Variants in ZDHHC11B observed in about 807,000 individuals in gnomAD.
ZDHHC11B encodes the protein zDHHC palmitoyltransferase 11B (putative), also known as probable palmitoyltransferase ZDHHC11B.
ZDHHC11B carries 17 observed loss-of-function variants against 42.3 expected under a neutral mutation model. That is an observed-to-expected ratio of 0.40 (90% CI 0.27 to 0.60). The LOEUF is 0.60. Among genes scored for constraint, ZDHHC11B ranks in the 20% least tolerant of loss-of-function variants. The probability of loss-of-function intolerance (pLI) is 0.41; values close to 1 mark genes in which losing one functional copy is unlikely to be tolerated. For missense variants in ZDHHC11B, 262 were observed against 463.2 expected (o/e 0.57, Z 3.99); for synonymous variants, 123 against 193.5 (o/e 0.64, Z 3.02).
intron 12 of ZDHHC11B, among the ~76,000 whole-genome samples, chr5:719,273 G>T (rs1194715746): frequency 6.6e-6 from 1 of 151,572 alleles, no homozygotes; most frequent in East Asian, 1.9e-4. Context: ...AACATATAAA[G>T]AAATAGAATA....
intron 1 of ZDHHC11B, among the ~76,000 whole-genome samples, chr5:780,260 G>A (rs1417525491): frequency 1.3e-5 from 2 of 150,898 alleles, no homozygotes; most frequent in Non-Finnish European, 2.9e-5. Flanking sequence ...AGAGACTCAT[G>A]ACCACATGCC....
chr5:754,204 A>G (rs590271), intron 6 of ZDHHC11B, among the ~76,000 whole-genome samples: 3,350 of 41,412 alleles, frequency 0.081, 23 homozygotes, highest in Middle Eastern at 0.13. Flanking sequence ...AGCCTCCACC[A>G]TGCTCAGGGG....
At chr5:714,131 C>A (rs868546855) in intron 13 of ZDHHC11B, among the ~76,000 whole-genome samples, 2,540 of 131,712 alleles carry the variant, frequency 0.019, 18 homozygotes, top group African/African-American at 0.069. Context: ...CACACACACA[C>A]CCTTAACTTG....
At chr5:778,798 A>T (rs1451172109) in intron 1 of ZDHHC11B, among the ~76,000 whole-genome samples, 2 of 151,794 alleles carry the variant, frequency 1.3e-5, no homozygotes, top group Admixed American at 1.3e-4. Flanking sequence ...ACACAGAGAG[A>T]AGAGAAGAAG....
chr5:730,471 G>A lies in ZDHHC11B; in HGVS notation c.1024-3C>T. ...GTACTCGGGGCATCATCTGCTTCCT[G>A]TGGGGGGAAGGGAAGCAAAATTCTT... On this transcript the variant is annotated splice_polypyrimidine_tract_variant and splice_region_variant and intron_variant, in intron 11 of 13. Coordinates refer to ENST00000508859, the MANE Select transcript of ZDHHC11B (RefSeq NM_001351303.2). 1.3e-6 allele frequency: 2 copies of A among 1,554,996 alleles called. No individual in the cohort carries two copies. The highest frequency in any genetic ancestry group is 1.3e-5 in the South Asian group (1 of 79,144).
chr5:747,763 C>G (rs1374014062), intron 8 of ZDHHC11B: 1 of 179,048 alleles, frequency 5.6e-6, no homozygotes, highest in East Asian at 1.7e-4. Flanking sequence ...TCGGGGCCAC[C>G]ACTGCCCAGA....
intron 12 of ZDHHC11B, among the ~76,000 whole-genome samples, chr5:717,319 C>G (rs1177604327): frequency 1.3e-5 from 2 of 151,474 alleles, no homozygotes; most frequent in Non-Finnish European, 2.9e-5. Flanking sequence ...GTTTTGTTCT[C>G]TGCCCTGATG....
rs1427215718 is a variant in ZDHHC11B at position 756,003 on chromosome 5, T to C, written c.364A>G (p.Ile122Val). 8.5e-7 allele frequency: 1 copy of C among 1,178,358 alleles called. No homozygotes were observed. Among genetic ancestry groups the C allele is most frequent in the Non-Finnish European group, 1.2e-6 (1 of 845,424 alleles). The allele number at this position is 1,178,358 out of a possible 1,614,324, so 73.0% of individuals were successfully genotyped here. A position where few individuals can be genotyped will look rare whatever the true frequency, so the allele number is the denominator to read the frequency against. Residue 122 changes from isoleucine (I) to valine (V), a missense_variant, in exon 5 of 14, where the codon ATC becomes GTC. This residue lies in a region of ZDHHC11B where 33 missense variants were observed against 174.6 expected (regional missense o/e 0.19). Coordinates refer to ENST00000508859, the MANE Select transcript of ZDHHC11B (RefSeq NM_001351303.2). ...LFDRSKHAHV[I>V]QNQFCHLCKV... is the part of the protein sequence containing the mutation. ...CACAGGTGGCAGAACTGATTCTGGA[T>C]CACGTGTGCATGTTTTGATCTGTCG...
At chr5:751,474 C>G (rs181308749) in intron 6 of ZDHHC11B, among the ~76,000 whole-genome samples, 2 of 28,216 alleles carry the variant, frequency 7.1e-5, no homozygotes, top group Non-Finnish European at 1.9e-4. Flanking sequence ...GAGGCAGGGG[C>G]GGGGGCATGC....
At position 777,525 on chromosome 5, in the gene ZDHHC11B, A is replaced by T. The variant is rs367751664; in HGVS notation, c.-230+7143T>A. 2.8e-4 allele frequency among the ~76,000 whole-genome samples: 43 copies of T among 151,982 alleles called. 1 individual carries two copies. Among genetic ancestry groups the T allele is most frequent in the Admixed American group, 2.3e-3 (35 of 15,248 alleles). On this transcript the variant is annotated intron_variant, in intron 1 of 13. Transcript: ENST00000508859. The stretch of plus-strand genomic sequence containing the variant: ...AAGAGCAAAAGAACAAACTTTCCAC[A>T]GCGGAGAAGAGAATGGAGTCAGGTT...
chr5:774,052 C>G (rs1278399729), intron 1 of ZDHHC11B, among the ~76,000 whole-genome samples: 1 of 151,858 alleles, frequency 6.6e-6, no homozygotes, highest in Non-Finnish European at 1.5e-5. Context: ...AATGCCTGTC[C>G]CAGGTGTGTC....
chr5:777,552 CG>C (rs1395978760), intron 1 of ZDHHC11B, among the ~76,000 whole-genome samples: 2 of 151,880 alleles, frequency 1.3e-5, no homozygotes, highest in African/African-American at 4.8e-5. Flanking sequence ...AGTCAGGTTG[CG>C]GCAGGGCGTT....
chr5:779,102 G>C (rs536706637), intron 1 of ZDHHC11B, among the ~76,000 whole-genome samples: 10 of 151,446 alleles, frequency 6.6e-5, no homozygotes, highest in African/African-American at 2.4e-4. Context: ...ACCATGCCTG[G>C]TGCTGTTACA....
rs781414589 is a variant in ZDHHC11B, at chr5:766,848, C to A, written c.72G>T (p.Leu24Phe). The change falls in exon 4 of 14, where the codon TTG becomes TTT. Residue 24 changes from leucine to phenylalanine, a missense_variant. Around this residue, in one of 5 missense-constraint regions of ZDHHC11B, gnomAD observed 97 missense variants for 98.1 expected, o/e 0.99. Coordinates refer to ENST00000508859, the MANE Select transcript of ZDHHC11B (RefSeq NM_001351303.2). ...EAIRNNEELVLPPRISRVNGW... is the reference protein window; with the variant it reads ...EAIRNNEELVFPPRISRVNGW... ...CGTTCACTCTGGAGATGCGGGGCGGCAAGACCAGCTCTTCATTGTTGCGTA... is the reference window on the plus strand; with the variant it reads ...CGTTCACTCTGGAGATGCGGGGCGGAAAGACCAGCTCTTCATTGTTGCGTA... 6.2e-7 allele frequency: 1 copy of A among 1,612,812 alleles called. No individual in the cohort carries two copies.
chr5:764,733 TGAG>T (rs1479872787), intron 4 of ZDHHC11B, among the ~76,000 whole-genome samples: 1 of 151,912 alleles, frequency 6.6e-6, no homozygotes, highest in African/African-American at 2.4e-5. Flanking sequence ...ACCCAAGGGC[TGAG>T]GAGTGCGGGC....
chr5:765,674 T>G (rs1374479072), intron 4 of ZDHHC11B, among the ~76,000 whole-genome samples: 1 of 151,928 alleles, frequency 6.6e-6, no homozygotes, highest in Admixed American at 6.6e-5. Context: ...CTGCTCACTC[T>G]TTGGCTCCGC....
chr5:720,522 G>A (rs1159983364), intron 12 of ZDHHC11B, among the ~76,000 whole-genome samples: 1 of 151,754 alleles, frequency 6.6e-6, no homozygotes, highest in East Asian at 1.9e-4. Flanking sequence ...TAAAAGAAAT[G>A]TTAAAGAAAT....
rs532691776 is a variant in ZDHHC11B at position 751,771 on chromosome 5, G to C, written c.504-514C>G. ...GCCCCCCCAGGTCTCCAGGCCTCTCGCTGGAGAGGGGTGGCCGTGGGACAT... is the reference window on the plus strand; with the variant it reads ...GCCCCCCCAGGTCTCCAGGCCTCTCCCTGGAGAGGGGTGGCCGTGGGACAT... On this transcript the variant is annotated intron_variant, in intron 6 of 13. Transcript: ENST00000508859. Among the ~76,000 whole-genome samples, 190 of 125,348 alleles carry C rather than the reference G, an allele frequency of 1.5e-3. 13 individuals carry two copies. The highest frequency in any genetic ancestry group is 4.7e-3 in the African/African-American group (182 of 38,916). 82.2% of individuals were successfully genotyped at this position (125,348 alleles called of 152,430 possible).
At chr5:756,718 C>T (rs1475119007) in intron 4 of ZDHHC11B, among the ~76,000 whole-genome samples, 1 of 151,650 alleles carries the variant, frequency 6.6e-6, no homozygotes, top group East Asian at 1.9e-4. Flanking sequence ...ACCAGAGACC[C>T]CTGAGCACTG....
Sources: gnomAD v4.1 joint callset for allele counts (sites outside exome capture counted in the v4.1 genomes callset) on GRCh38, gnomAD v4.1.1 for gene constraint, gnomAD v4.1.1 regional missense constraint, MANE v1.5 for transcripts, NCBI Gene and HGNC (gene_info 2026-07-23, HGNC 2026-07-21) for gene names.